NSMAF: variants seen among roughly 807,000 people sequenced by gnomAD.
The protein encoded by NSMAF is protein FAN.
A neutral mutation model predicts 134.9 loss-of-function variants in NSMAF; 90 were observed. The ratio of observed to expected loss-of-function variants is 0.67; its 90% CI spans 0.56 to 0.79. The LOEUF (loss-of-function observed/expected upper bound fraction) is 0.79. Ranked by LOEUF, NSMAF falls within the 30% of genes least tolerant of loss-of-function variation. The pLI is 0.00. For missense variants in NSMAF, 1,010 were observed against 1,119.0 expected, an observed-to-expected ratio of 0.90 and a Z score of 1.39; for synonymous variants, 358 against 389.6, an observed-to-expected ratio of 0.92 and a Z score of 0.96.
chr8:58,643,811 A>G (rs1040182453), intron 1 of NSMAF, among the ~76,000 whole-genome samples: 5 of 152,138 alleles, frequency 3.3e-5, no homozygotes, highest in Non-Finnish European at 7.4e-5. Context: ...GATTACAAGC[A>G]TGAGCCACCG....
chr8:58,615,875 T>C lies in NSMAF; in HGVS notation c.558-6142A>G, dbSNP rs371268476. On this transcript the variant is annotated intron_variant, in intron 9 of 30. Coordinates refer to ENST00000038176, the MANE Select transcript of NSMAF (RefSeq NM_003580.4). ...GAAAAATATCAACAAAGTCAAAATG[T>C]GGTCATTTGAAAGATTAATAAAATT... is the stretch of plus-strand genomic sequence containing the variant. Among the ~76,000 whole-genome samples, 103 of 152,236 alleles carry C rather than the reference T, an allele frequency of 6.8e-4. 1 individual carries two copies. The Middle Eastern group carries it at 0.01, about 15-fold the overall frequency.
At chr8:58,621,638 CA>C (rs1189963348) in intron 9 of NSMAF, among the ~76,000 whole-genome samples, 3 of 152,102 alleles carry the variant, frequency 2.0e-5, no homozygotes, top group Non-Finnish European at 4.4e-5. Context: ...GAGTAATAGC[CA>C]TTCAAAATTT....
chr8:58,651,753 C>G (rs554739383), intron 1 of NSMAF, among the ~76,000 whole-genome samples: 4 of 152,230 alleles, frequency 2.6e-5, no homozygotes, highest in Non-Finnish European at 4.4e-5. Context: ...TTACTGTTAT[C>G]TAGCGCAGCG....
chr8:58,593,901 C>T (rs1424522990), intron 23 of NSMAF, among the ~76,000 whole-genome samples: 1 of 152,238 alleles, frequency 6.6e-6, no homozygotes, highest in Non-Finnish European at 1.5e-5. Context: ...TGATACAGCA[C>T]TTGCTACTCA....
Position 58,635,364 on chromosome 8 carries a change from CA to C in NSMAF, c.236del (p.Leu79Ter). 1.2e-6 allele frequency: 2 copies of C among 1,603,764 alleles called. No homozygotes were observed. Among genetic ancestry groups the C allele is most frequent in the Middle Eastern group, 1.7e-4 (1 of 5,988 alleles). On this transcript the variant is annotated frameshift_variant, in exon 4 of 31. Transcript: ENST00000038176. LOFTEE classifies it high-confidence loss of function. ...GCTTTCCTATTTTTATACAGTCTCT[CA>C]AAGGAATCTGGATAAAATTGAGAGA... ...SISQPIIKIPLRDCIKIGKHG... is the reference protein window; with the variant it reads ...SISQPIIKIPXRDCIKIGKHG...
chr8:58,604,555 A>AT (rs1196190242), intron 12 of NSMAF, among the ~76,000 whole-genome samples: 4 of 95,176 alleles, frequency 4.2e-5, no homozygotes, highest in East Asian at 2.7e-4. Flanking sequence ...ATAGATATAT[A>AT]TAATATATAT....
In NSMAF at chr8:58,659,635, G is replaced by T; in HGVS notation, c.-4C>A. ...GCTTCTTCCGGATAAACGCCATGGAGGGTAGGCGCGGGCGGGCGCAGAGCG... is the reference window on the plus strand; with the variant it reads ...GCTTCTTCCGGATAAACGCCATGGATGGTAGGCGCGGGCGGGCGCAGAGCG... On this transcript the variant is annotated 5_prime_UTR_variant, in exon 1 of 31. Coordinates refer to ENST00000038176, the MANE Select transcript of NSMAF (RefSeq NM_003580.4). 1 of 1,440,034 alleles carries T rather than the reference G, an allele frequency of 6.9e-7. No individual in the cohort carries two copies. Among genetic ancestry groups the T allele is most frequent in the Non-Finnish European group, 9.1e-7 (1 of 1,097,668 alleles). The allele number at this position is 1,440,034 out of a possible 1,614,324, so 89.2% of individuals were successfully genotyped here. A position where few individuals can be genotyped will look rare whatever the true frequency, so the allele number is the denominator to read the frequency against.
intron 19 of NSMAF, among the ~76,000 whole-genome samples, chr8:58,598,493 AAAAAAAAAAAAAAAAAAAG>A (rs1213126436): frequency 1.2e-3 from 27 of 21,678 alleles, no homozygotes; most frequent in African/African-American, 4.7e-3. Flanking sequence ...TCTCAAACAA[AAAAAAAAAAAAAAAAAAAG>A]AAAAAAAAAA....
At chr8:58,618,568 CAT>C (rs1232993033) in intron 9 of NSMAF, among the ~76,000 whole-genome samples, 4 of 151,568 alleles carry the variant, frequency 2.6e-5, no homozygotes, top group East Asian at 1.9e-4. Context: ...AATATATACA[CAT>C]ATATATATAA....
chr8:58,589,658 G>T, intron 25 of NSMAF, 83 bp from the exon 26 acceptor site: 1 of 1,337,292 alleles, frequency 7.5e-7, no homozygotes, highest in Non-Finnish European at 1.0e-6. Flanking sequence ...ACATTATGTT[G>T]TTTCATTCTA....
In NSMAF at chr8:58,630,025, T is replaced by C. The variant is rs1807021886; in HGVS notation, c.384+1471A>G. Among the ~76,000 whole-genome samples the C allele has an allele frequency of 2.0e-5, 3 of 152,240 alleles. No homozygotes were observed. The South Asian group carries it at 6.2e-4, about 31-fold the overall frequency. On this transcript the variant is annotated intron_variant, in intron 6 of 30. Coordinates refer to ENST00000038176, the MANE Select transcript of NSMAF (RefSeq NM_003580.4). ...CTGAAAAGTCAGAACTCTGGATGTA[T>C]AGTCCAATTTTCTCTTTCCCTCTCC...
At position 58,635,465 on chromosome 8, in the gene NSMAF, T is replaced by A. The variant is rs764445899; in HGVS notation, c.228+3A>T. The A allele has an allele frequency of 9.4e-6, 15 of 1,595,850 alleles. No individual in the cohort carries two copies. In the African/African-American group the frequency reaches 1.9e-4, roughly 20 times the overall value. The stretch of plus-strand genomic sequence containing the variant: ...TTTCTGTTCATATTTAAAATGTATT[T>A]ACCTTGATGATGGGCTGGGATATTG... On this transcript the variant is annotated splice_donor_region_variant and intron_variant, in intron 3 of 30. Coordinates refer to ENST00000038176, the MANE Select transcript of NSMAF (RefSeq NM_003580.4).
At chr8:58,625,350 A>G (rs1316268309) in intron 6 of NSMAF, among the ~76,000 whole-genome samples, 1 of 146,892 alleles carries the variant, frequency 6.8e-6, no homozygotes, top group African/African-American at 2.5e-5. Context: ...ATATACAGCA[A>G]TATACCCCTA....
rs375995163 is a variant in NSMAF, at chr8:58,589,557, T to C, written c.2106A>G (p.Ala702=). The change falls in exon 26 of 31, where the codon GCA becomes GCG. Residue 702 remains alanine (A), a synonymous_variant. Transcript: ENST00000038176. ...WDNNVYFYSI[A]FGRRQDTLMG... ...TTAACGTGTCCTGGCGTCTTCCAAA[T>C]GCTATGGAATAAAAATAGCTAAAAG... 2.6e-5 allele frequency: 40 copies of C among 1,565,908 alleles called. No homozygotes were observed. Among genetic ancestry groups the C allele is most frequent in the African/African-American group, 8.4e-5 (6 of 71,310 alleles).
chr8:58,588,859 A>G, intron 26 of NSMAF: 4 of 705,538 alleles, frequency 5.7e-6, no homozygotes, highest in Non-Finnish European at 1.0e-5. Context: ...AGGGGCTGCT[A>G]CTATACATTT....
intron 28 of NSMAF, 92 bp downstream of exon 28, chr8:58,586,362 TGTAA>T: frequency 8.0e-7 from 1 of 1,250,338 alleles, no homozygotes; most frequent in Non-Finnish European, 1.1e-6. Context: ...TGTTTTTCTT[TGTAA>T]GTTTTATTGT....
chr8:58,654,698 TA>T (rs1807663814), intron 1 of NSMAF, among the ~76,000 whole-genome samples: 1 of 152,228 alleles, frequency 6.6e-6, no homozygotes, highest in South Asian at 2.1e-4. Flanking sequence ...TCAAGATCAC[TA>T]ATTTCCATCC....
At chr8:58,655,303 T>C (rs77949515) in intron 1 of NSMAF, among the ~76,000 whole-genome samples, 2,197 of 152,138 alleles carry the variant, frequency 0.014, 61 homozygotes, top group African/African-American at 0.051. Context: ...ACCCAAGAAA[T>C]AGCTGTCATC....
chr8:58,623,298 G>T, intron 8 of NSMAF, 26 bp from the exon 9 acceptor site: 1 of 1,172,718 alleles, frequency 8.5e-7, no homozygotes, highest in Non-Finnish European at 1.2e-6. Context: ...CAGAAAAAAA[G>T]TATTTATAAG....
Sources: gnomAD v4.1 joint callset for allele counts (sites outside exome capture counted in the v4.1 genomes callset) on GRCh38, gnomAD v4.1.1 for gene constraint, MANE v1.5 for transcripts, NCBI Gene and HGNC (gene_info 2026-07-23, HGNC 2026-07-21) for gene names.